Variants in CCDC134 observed in about 807,000 individuals in gnomAD.
CCDC134 encodes the protein coiled-coil domain-containing protein 134.
In CCDC134, 27 loss-of-function variants were observed where a neutral mutation model predicts 25.6. That is an observed-to-expected ratio of 1.05 (90% CI 0.78 to 1.45). CCDC134 has a LOEUF of 1.45. CCDC134 is among the 40% of genes most tolerant of loss of function. The probability of loss-of-function intolerance (pLI) is 0.00; values close to 1 mark genes in which losing one functional copy is unlikely to be tolerated. For missense variants in CCDC134, 261 were observed against 286.7 expected, an observed-to-expected ratio of 0.91 and a Z score of 0.65; for synonymous variants, 110 against 115.0, an observed-to-expected ratio of 0.96 and a Z score of 0.28.
intron 1 of CCDC134, among the ~76,000 whole-genome samples, chr22:41,804,721 A>G (rs973750965): frequency 1.3e-5 from 2 of 152,204 alleles, no homozygotes; most frequent in Non-Finnish European, 2.9e-5. Context: ...ATTCTCAAGT[A>G]TGATATTCTA....
Position 41,826,687 on chromosome 22 carries a change from C to T in CCDC134, c.*864C>T, listed in dbSNP as rs1473259145. Among the ~76,000 whole-genome samples the T allele has an allele frequency of 6.6e-6, 1 of 152,220 alleles. No homozygotes were observed. Among genetic ancestry groups the T allele is most frequent in the South Asian group, 2.1e-4 (1 of 4,834 alleles). On this transcript the variant is annotated 3_prime_UTR_variant, in exon 7 of 7. Transcript: ENST00000255784. ...GGCCGCAGCCCTGCAGGAGGCCGTG[C>T]TCCGCAATGGCTGCCCTAAGCTGCA...
chr22:41,826,034 G>T lies in CCDC134; in HGVS notation c.*211G>T. 2 of 565,312 alleles carry T rather than the reference G, an allele frequency of 3.5e-6. No individual in the cohort carries two copies. The highest frequency in any genetic ancestry group is 6.3e-5 in the East Asian group (2 of 31,686). 35.0% of individuals were successfully genotyped at this position (565,312 alleles called of 1,614,324 possible). Reference sequence around the variant, plus strand: ...TCTCTCAGGGGCCTCCTGCTGAAGGGGCCTTCAGAGGATTTTATGCTGGAA... The same window carrying T: ...TCTCTCAGGGGCCTCCTGCTGAAGGTGCCTTCAGAGGATTTTATGCTGGAA... On this transcript the variant is annotated 3_prime_UTR_variant, in exon 7 of 7. Coordinates refer to ENST00000255784, the MANE Select transcript of CCDC134 (RefSeq NM_024821.5).
chr22:41,820,767 T>C (rs2076648128), intron 6 of CCDC134, among the ~76,000 whole-genome samples: 1 of 151,698 alleles, frequency 6.6e-6, no homozygotes, highest in South Asian at 2.1e-4. Context: ...GTAGTAAGAG[T>C]TTTTTTCTGC....
intron 6 of CCDC134, among the ~76,000 whole-genome samples, chr22:41,818,444 C>G (rs2076633041): frequency 6.6e-6 from 1 of 152,218 alleles, no homozygotes; most frequent in African/African-American, 2.4e-5. Context: ...GGGGACCCTC[C>G]TGAAATGCAA....
intron 1 of CCDC134, among the ~76,000 whole-genome samples, chr22:41,801,049 G>T (rs1034333185): frequency 1.3e-5 from 2 of 150,746 alleles, no homozygotes; most frequent in African/African-American, 2.4e-5. Context: ...GACGCATACG[G>T]CAGGATCGGG....
chr22:41,827,102 CG>C lies in CCDC134; in HGVS notation c.*1283del, dbSNP rs1452068010. 6.6e-6 allele frequency among the ~76,000 whole-genome samples: 1 copy of C among 152,194 alleles called. No homozygotes were observed. Among genetic ancestry groups the C allele is most frequent in the Non-Finnish European group, 1.5e-5 (1 of 68,040 alleles). On this transcript the variant is annotated 3_prime_UTR_variant, in exon 7 of 7. Transcript: ENST00000255784. Reference sequence around the variant, plus strand: ...TGTTTCTCTGAGGCTGGCCTCCCTACGGGGCTGCAGCAGCAAAGGGAAGCCA... The same window carrying C: ...TGTTTCTCTGAGGCTGGCCTCCCTACGGGCTGCAGCAGCAAAGGGAAGCCA...
At position 41,825,364 on chromosome 22, in the gene CCDC134, G is replaced by T. The variant is rs1018084745; in HGVS notation, c.565-334G>T. On this transcript the variant is annotated intron_variant, in intron 6 of 6. Transcript: ENST00000255784. The surrounding 1 kb of genome is among the most constrained non-coding windows in gnomAD (Gnocchi z 4.4). ...TCCTGAAGGGTGCAGCAGGTGTGGGGCTCCCGGGTCTGTGGTGGTCTCAGC... is the reference window on the plus strand; with the variant it reads ...TCCTGAAGGGTGCAGCAGGTGTGGGTCTCCCGGGTCTGTGGTGGTCTCAGC... Among the ~76,000 whole-genome samples, 2 of 151,960 alleles carry T rather than the reference G, an allele frequency of 1.3e-5. No homozygotes were observed. Among genetic ancestry groups the T allele is most frequent in the African/African-American group, 4.8e-5 (2 of 41,332 alleles).
At position 41,813,290 on chromosome 22, in the gene CCDC134, G is replaced by T. The variant is rs768445622; in HGVS notation, c.337G>T (p.Ala113Ser). The change falls in exon 5 of 7, where the codon GCC becomes TCC. Residue 113 changes from alanine to serine, a missense_variant. Physicochemically the swap from Ala to Ser is moderately conservative, Grantham distance 99. Coordinates refer to ENST00000255784, the MANE Select transcript of CCDC134 (RefSeq NM_024821.5). ...TTTCTCCCACGTGGTGGAGAACACGGCCTTCTTCGGCGATGTGGTGCTGCG... is the reference window on the plus strand; with the variant it reads ...TTTCTCCCACGTGGTGGAGAACACGTCCTTCTTCGGCGATGTGGTGCTGCG... Reference protein sequence around the residue: ...DAFSHVVENTAFFGDVVLRFP... With the variant: ...DAFSHVVENTSFFGDVVLRFP... 3 of 1,614,078 alleles carry T rather than the reference G, an allele frequency of 1.9e-6. No homozygotes were observed. The African/African-American group carries it at 4.0e-5, about 22-fold the overall frequency.
intron 6 of CCDC134, among the ~76,000 whole-genome samples, chr22:41,816,314 C>T (rs1350570808): frequency 2.6e-5 from 4 of 152,224 alleles, no homozygotes; most frequent in African/African-American, 9.6e-5. Context: ...GCTACTCAGA[C>T]ATCAGGAAAA....
In CCDC134 at chr22:41,828,312, G is replaced by T. The variant is rs1177868394; in HGVS notation, c.*2489G>T. ...CCAGTGGTTGAAAGGATGAAACCTGGAATTTAAGTGACTTCTCAGTGATGT... is the reference window on the plus strand; with the variant it reads ...CCAGTGGTTGAAAGGATGAAACCTGTAATTTAAGTGACTTCTCAGTGATGT... On this transcript the variant is annotated 3_prime_UTR_variant, in exon 7 of 7. Transcript: ENST00000255784. Among the ~76,000 whole-genome samples, 1 of 152,152 alleles carries T rather than the reference G, an allele frequency of 6.6e-6. No homozygotes were observed. The highest frequency in any genetic ancestry group is 1.5e-5 in the Non-Finnish European group (1 of 68,040).
intron 6 of CCDC134, among the ~76,000 whole-genome samples, chr22:41,817,574 A>C (rs1036027175): frequency 1.3e-5 from 2 of 152,020 alleles, no homozygotes; most frequent in African/African-American, 4.8e-5. Context: ...TCTACTAAAA[A>C]TACAAAAATT....
intron 6 of CCDC134, among the ~76,000 whole-genome samples, chr22:41,820,248 G>A (rs974848256): frequency 2.0e-5 from 3 of 151,286 alleles, no homozygotes; most frequent in Non-Finnish European, 2.9e-5. Context: ...CGCCCACCTC[G>A]GCCTCCCAAA....
chr22:41,824,946 A>G (rs904016999), intron 6 of CCDC134, among the ~76,000 whole-genome samples: 1 of 152,012 alleles, frequency 6.6e-6, no homozygotes, highest in Admixed American at 6.6e-5. Context: ...TAGGGCTTGA[A>G]AGTAGCCAGG....
chr22:41,803,898 G>T, intron 1 of CCDC134, among the ~76,000 whole-genome samples: 1 of 152,292 alleles, frequency 6.6e-6, no homozygotes, highest in South Asian at 2.1e-4. Flanking sequence ...TTGGGAGGCT[G>T]AGACGGGCGG....
intron 1 of CCDC134, among the ~76,000 whole-genome samples, chr22:41,803,796 A>G (rs1376184328): frequency 6.6e-6 from 1 of 151,970 alleles, no homozygotes; most frequent in East Asian, 1.9e-4. Context: ...AATAAATAGG[A>G]AAATAGGAAG....
intron 6 of CCDC134, among the ~76,000 whole-genome samples, chr22:41,814,532 A>T (rs1345358243): frequency 2.0e-5 from 3 of 150,974 alleles, no homozygotes; most frequent in African/African-American, 7.3e-5. Flanking sequence ...GTGCCATTGC[A>T]CTCCAGCCTG....
At position 41,805,977 on chromosome 22, in the gene CCDC134, G is replaced by T. The variant is rs2076565567; in HGVS notation, c.-16-2898G>T. Among the ~76,000 whole-genome samples the T allele has an allele frequency of 2.0e-5, 3 of 152,078 alleles. No homozygotes were observed. In the South Asian group the frequency reaches 6.2e-4, roughly 31 times the overall value. On this transcript the variant is annotated intron_variant, in intron 1 of 6. Coordinates refer to ENST00000255784, the MANE Select transcript of CCDC134 (RefSeq NM_024821.5). ...CTTCATCAGTTTTTAATTGAGTTCT[G>T]TTTGATTTTGATTAGAGATTTCAGG...
In CCDC134 at chr22:41,825,675, G is replaced by A. The variant is rs747012147; in HGVS notation, c.565-23G>A. On this transcript the variant is annotated intron_variant, in intron 6 of 6. Coordinates refer to ENST00000255784, the MANE Select transcript of CCDC134 (RefSeq NM_024821.5). The surrounding 1 kb of genome is among the most constrained non-coding windows in gnomAD (Gnocchi z 4.4). ...CTCTTTGCTGCCACAGACTAAATCA[G>A]ACTGCTCTTCTCTTCCCTTCAGTTC... is the stretch of plus-strand genomic sequence containing the variant. 1.6e-5 allele frequency: 26 copies of A among 1,613,530 alleles called. No homozygotes were observed. In the Admixed American group the frequency reaches 3.0e-4, roughly 19 times the overall value.
rs755324878 is a variant in CCDC134 at position 41,813,312 on chromosome 22, T to G, written c.359T>G (p.Leu120Arg). Residue 120 changes from leucine (L) to arginine (R), a missense_variant, in exon 5 of 7, where the codon CTG (leucine) becomes CGG (arginine). By Grantham distance (102) the Leu-to-Arg change is moderately radical. Transcript: ENST00000255784. ...ENTAFFGDVV[L>R]RFPRIVHYYF... is the part of the protein sequence containing the mutation. The stretch of plus-strand genomic sequence containing the variant: ...ACGGCCTTCTTCGGCGATGTGGTGC[T>G]GCGCTTCCCGAGGATTGTGCACTAT... The G allele has an allele frequency of 3.1e-6, 5 of 1,614,086 alleles. No individual in the cohort carries two copies. In the African/African-American group the frequency reaches 6.7e-5, roughly 22 times the overall value.
Sources: allele counts gnomAD v4.1 joint callset (sites outside exome capture counted in the v4.1 genomes callset), GRCh38; gene constraint gnomAD v4.1.1; non-coding constraint Gnocchi (gnomAD v3.1); transcripts MANE v1.5; gene names NCBI Gene and HGNC (gene_info 2026-07-23, HGNC 2026-07-21).